The following ADCY9 variants were observed in gnomAD, a reference collection of about 807,000 sequenced individuals.
The protein encoded by ADCY9 is adenylate cyclase 9.
A neutral mutation model predicts 101.5 loss-of-function variants in ADCY9; 50 were observed. That is an observed-to-expected ratio of 0.49 (90% CI 0.39 to 0.62). The LOEUF is 0.62. ADCY9 is among the 20% of genes least tolerant of loss of function. The pLI is 0.00. For missense variants in ADCY9, 1,662 were observed against 1,800.4 expected, an observed-to-expected ratio of 0.92 and a Z score of 1.39; for synonymous variants, 905 against 769.3, an observed-to-expected ratio of 1.18 and a Z score of -2.92.
rs191672431 is a variant in ADCY9 at position 4,056,356 on chromosome 16, G to T, written c.1694-48798C>A. On this transcript the variant is annotated intron_variant, in intron 2 of 10. Coordinates refer to ENST00000294016, the MANE Select transcript of ADCY9 (RefSeq NM_001116.4). ...TGTAACCTCCGCTCCCGGGCTCCAG[G>T]GATTCTCCTGCCTCAGCCTCCCAAG... Among the ~76,000 whole-genome samples, 227 of 152,208 alleles carry T rather than the reference G, an allele frequency of 1.5e-3. 1 individual carries two copies. Among genetic ancestry groups the T allele is most frequent in the African/African-American group, 5.2e-3 (216 of 41,528 alleles).
Position 4,114,672 on chromosome 16 carries a change from C to T in ADCY9, c.771G>A (p.Glu257=). The change falls in exon 2 of 11, where the codon GAG becomes GAA. Residue 257 remains glutamate (E), a synonymous_variant. Transcript: ENST00000294016. This position sits in a 1 kb window ranked among gnomAD's most constrained non-coding sequence, Gnocchi z 4.3. ...CLGVAYSVLF[E]TFGYHFRDEA... ...CATCCCGGAAATGGTAGCCAAAGGT[C>T]TCGAAAAGGACAGAGTAGGCCACCC... 1.9e-6 allele frequency: 3 copies of T among 1,613,240 alleles called. No homozygotes were observed. The highest frequency in any genetic ancestry group is 1.7e-6 in the Non-Finnish European group (2 of 1,180,036).
chr16:4,113,450 C>T (rs971290921), intron 2 of ADCY9, among the ~76,000 whole-genome samples: 1 of 152,226 alleles, frequency 6.6e-6, no homozygotes, highest in Non-Finnish European at 1.5e-5. Flanking sequence ...CATACCCTTA[C>T]ATTCACCGGA....
intron 2 of ADCY9, among the ~76,000 whole-genome samples, chr16:4,058,296 C>G (rs1283374645): frequency 1.3e-5 from 2 of 151,662 alleles, no homozygotes; most frequent in African/African-American, 4.9e-5. Context: ...AAACCCCCGT[C>G]TCTACTAAAA....
chr16:4,020,314 T>C (rs563078717), intron 2 of ADCY9, among the ~76,000 whole-genome samples: 49 of 152,266 alleles, frequency 3.2e-4, no homozygotes, highest in Non-Finnish European at 5.6e-4. Context: ...TCCTTCCTTA[T>C]TGGTGAAAGG....
chr16:3,987,158 C>G (rs1342029966), intron 6 of ADCY9, among the ~76,000 whole-genome samples: 1 of 152,240 alleles, frequency 6.6e-6, no homozygotes, highest in African/African-American at 2.4e-5. Flanking sequence ...AGGAGTTCCC[C>G]CCTTGGAGCC....
intron 2 of ADCY9, among the ~76,000 whole-genome samples, chr16:4,049,332 AG>A (rs1022291160): frequency 5.3e-5 from 8 of 152,152 alleles, no homozygotes. Flanking sequence ...GAAAGTCGGA[AG>A]GGGCAGCACC....
intron 2 of ADCY9, among the ~76,000 whole-genome samples, chr16:4,086,417 T>A (rs387212): frequency 6.6e-6 from 1 of 151,314 alleles, no homozygotes; most frequent in South Asian, 2.1e-4. Context: ...CCCAGGCCTG[T>A]GATGAAGGAC....
At chr16:4,005,976 C>T (rs1051585188) in intron 3 of ADCY9, among the ~76,000 whole-genome samples, 3 of 152,156 alleles carry the variant, frequency 2.0e-5, no homozygotes, top group African/African-American at 4.8e-5. Context: ...TCCTGCACAA[C>T]GTCAGCCCAG....
intron 3 of ADCY9, among the ~76,000 whole-genome samples, chr16:3,997,643 C>T (rs1405834107): frequency 6.6e-6 from 1 of 152,226 alleles, no homozygotes; most frequent in Non-Finnish European, 1.5e-5. Context: ...CGGGACAGTG[C>T]TCACTGCCTA....
At chr16:4,015,974 A>AAAAAAG (rs2056435977) in intron 2 of ADCY9, among the ~76,000 whole-genome samples, 1 of 150,142 alleles carries the variant, frequency 6.7e-6, no homozygotes, top group African/African-American at 2.4e-5. Context: ...TCTCAAAAAA[A>AAAAAAG]TAAAAGAAAA....
intron 2 of ADCY9, among the ~76,000 whole-genome samples, chr16:4,046,993 G>C (rs939529829): frequency 1.3e-5 from 2 of 151,800 alleles, no homozygotes; most frequent in Admixed American, 6.6e-5. Context: ...CTGGTCAACA[G>C]AGCAAGACCC....
chr16:4,021,280 A>G (rs1477870071), intron 2 of ADCY9, among the ~76,000 whole-genome samples: 1 of 152,228 alleles, frequency 6.6e-6, no homozygotes, highest in Non-Finnish European at 1.5e-5. Flanking sequence ...AGTGCTAACA[A>G]GATCTGGCAG....
chr16:4,066,998 T>G (rs1469713543), intron 2 of ADCY9, among the ~76,000 whole-genome samples: 1 of 152,230 alleles, frequency 6.6e-6, no homozygotes, highest in African/African-American at 2.4e-5. Context: ...CTAAATTTCC[T>G]GATCTTTTAT....
At chr16:4,044,799 C>A (rs2056651089) in intron 2 of ADCY9, among the ~76,000 whole-genome samples, 1 of 152,156 alleles carries the variant, frequency 6.6e-6, no homozygotes, top group South Asian at 2.1e-4. Flanking sequence ...CAGGACCTAG[C>A]TCTGAGGCCA....
Position 4,092,924 on chromosome 16 carries a change from C to CA in ADCY9, c.1693+20825dup, listed in dbSNP as rs34902787. Among the ~76,000 whole-genome samples, 8 of 151,874 alleles carry CA rather than the reference C, an allele frequency of 5.3e-5. No homozygotes were observed. In the East Asian group the frequency reaches 1.2e-3, roughly 22 times the overall value. On this transcript the variant is annotated intron_variant, in intron 2 of 10. Transcript: ENST00000294016. ...TACATACATGGATAGCAAAAGAAGC[C>CA]AAAAAAATTATTTTTTAAAATGTAA...
intron 6 of ADCY9, among the ~76,000 whole-genome samples, chr16:3,987,523 A>G (rs956734363): frequency 2.0e-5 from 3 of 152,228 alleles, no homozygotes; most frequent in Non-Finnish European, 2.9e-5. Flanking sequence ...CAGCTTCCCT[A>G]CAGCATTGCT....
intron 2 of ADCY9, among the ~76,000 whole-genome samples, chr16:4,011,580 C>T (rs1013218447): frequency 6.6e-6 from 1 of 152,198 alleles, no homozygotes; most frequent in Non-Finnish European, 1.5e-5. Context: ...GCGTGATGGG[C>T]GAGGGCCTGG....
chr16:4,028,031 T>C (rs777030060), intron 2 of ADCY9, among the ~76,000 whole-genome samples: 10 of 152,082 alleles, frequency 6.6e-5, no homozygotes, highest in South Asian at 2.1e-4. Context: ...CAATTCAAGA[T>C]GAGATTTGGG....
rs545715002 is a variant in ADCY9, at chr16:4,045,594, T to TAAAAAAAA, written c.1694-38044_1694-38037dup. 1.1e-4 allele frequency among the ~76,000 whole-genome samples: 7 copies of TAAAAAAAA among 64,960 alleles called. 1 individual carries two copies. Among genetic ancestry groups the TAAAAAAAA allele is most frequent in the African/African-American group, 3.4e-4 (6 of 17,736 alleles). 42.6% of individuals were successfully genotyped at this position (64,960 alleles called of 152,430 possible). Reference sequence around the variant, plus strand: ...TGGGCAACAGAGCAAGACTCTGCCTTAAAAAAAAAAAAAAAAAAAAAAAAA... The same window carrying TAAAAAAAA: ...TGGGCAACAGAGCAAGACTCTGCCTTAAAAAAAAAAAAAAAAAAAAAAAAAAAAAAAAA... On this transcript the variant is annotated intron_variant, in intron 2 of 10. Transcript: ENST00000294016.
Sources: allele counts gnomAD v4.1 joint callset (sites outside exome capture counted in the v4.1 genomes callset), GRCh38; gene constraint gnomAD v4.1.1; non-coding constraint Gnocchi (gnomAD v3.1); transcripts MANE v1.5; gene names NCBI Gene and HGNC (gene_info 2026-07-23, HGNC 2026-07-21).